SHC3: variants seen among roughly 807,000 people sequenced by gnomAD.
The protein encoded by SHC3 is SHC-transforming protein 3.
A neutral mutation model predicts 60.4 loss-of-function variants in SHC3; 15 were observed. The observed-to-expected ratio is 0.25, with a 90% CI of 0.17 to 0.38. SHC3 has a LOEUF of 0.38. Among genes scored for constraint, SHC3 ranks in the 10% least tolerant of loss-of-function variants. The pLI, the probability that SHC3 is intolerant of heterozygous loss-of-function variation, is 1.00. For synonymous variants in SHC3, 294 were observed against 325.9 expected (o/e 0.90, Z 1.05); for missense variants, 677 against 786.1 (o/e 0.86, Z 1.66).
At chr9:89,071,295 C>A in intron 4 of SHC3, 43 bp from the exon 5 acceptor site, 1 of 1,603,986 alleles carries the variant, frequency 6.2e-7, no homozygotes, top group Non-Finnish European at 8.5e-7. Context: ...TGTTATCGCC[C>A]TTTCCACATT....
At chr9:89,064,231 G>A (rs79194161) in intron 6 of SHC3, among the ~76,000 whole-genome samples, 1 of 152,242 alleles carries the variant, frequency 6.6e-6, no homozygotes, top group South Asian at 2.1e-4. Context: ...TAAATTTGGG[G>A]GTGACGTGAA....
chr9:89,045,357 T>C (rs1469540427), intron 9 of SHC3, among the ~76,000 whole-genome samples: 2 of 147,974 alleles, frequency 1.4e-5, no homozygotes, highest in South Asian at 4.7e-4. Flanking sequence ...CTTGGCTCAC[T>C]GCAACCTCCA....
chr9:89,020,976 G>C (rs1344609385), intron 11 of SHC3, among the ~76,000 whole-genome samples: 1 of 152,150 alleles, frequency 6.6e-6, no homozygotes, highest in East Asian at 1.9e-4. Context: ...TCAGGGCTTG[G>C]GGAGGTGCCC....
intron 1 of SHC3, among the ~76,000 whole-genome samples, chr9:89,134,007 G>A (rs1826286409): frequency 1.3e-5 from 2 of 152,246 alleles, no homozygotes; most frequent in Non-Finnish European, 1.5e-5. Context: ...GCTGGAAAGA[G>A]TCAGCTCTTA....
At chr9:89,047,684 C>A (rs948129030) in intron 7 of SHC3, among the ~76,000 whole-genome samples, 1 of 152,176 alleles carries the variant, frequency 6.6e-6, no homozygotes, top group Non-Finnish European at 1.5e-5. Context: ...ATCAAAACCA[C>A]AACCAGAGAC....
intron 2 of SHC3, among the ~76,000 whole-genome samples, chr9:89,108,464 T>C (rs972644365): frequency 3.9e-5 from 6 of 151,936 alleles, no homozygotes; most frequent in Non-Finnish European, 8.8e-5. Flanking sequence ...GAGGTTGCAG[T>C]GAACCAAGAT....
chr9:89,085,556 T>C (rs1288599315), intron 2 of SHC3, among the ~76,000 whole-genome samples: 1 of 152,252 alleles, frequency 6.6e-6, no homozygotes, highest in Non-Finnish European at 1.5e-5. Flanking sequence ...CAGAGGCCAC[T>C]AAAAATAGGC....
intron 1 of SHC3, among the ~76,000 whole-genome samples, chr9:89,157,689 C>T (rs554396154): frequency 6.6e-6 from 1 of 152,178 alleles, no homozygotes; most frequent in South Asian, 2.1e-4. Context: ...AATCATAGCT[C>T]ACTGCAACCC....
intron 1 of SHC3, among the ~76,000 whole-genome samples, chr9:89,150,345 C>T (rs1338438537): frequency 1.3e-5 from 2 of 152,044 alleles, no homozygotes; most frequent in Non-Finnish European, 2.9e-5. Context: ...AAACCCATAC[C>T]CCTTAACAAC....
chr9:89,115,724 C>A (rs1826010575), intron 1 of SHC3, among the ~76,000 whole-genome samples: 1 of 152,106 alleles, frequency 6.6e-6, no homozygotes. Flanking sequence ...ATGCAAATAC[C>A]AGGACCACTT....
intron 2 of SHC3, among the ~76,000 whole-genome samples, chr9:89,091,771 C>A (rs1587721993): frequency 6.6e-6 from 1 of 152,214 alleles, no homozygotes; most frequent in African/African-American, 2.4e-5. Context: ...TCCCCACTGC[C>A]TCATCTGGCC....
At chr9:89,042,302 A>C in intron 9 of SHC3, 118 bp from the exon 10 acceptor site, 1 of 1,111,916 alleles carries the variant, frequency 9.0e-7, no homozygotes, top group Non-Finnish European at 1.2e-6. Flanking sequence ...TCGGATTCCT[A>C]TGGGTGATAT....
At chr9:89,168,911 G>C (rs1465613081) in intron 1 of SHC3, among the ~76,000 whole-genome samples, 1 of 152,058 alleles carries the variant, frequency 6.6e-6, no homozygotes, top group Non-Finnish European at 1.5e-5. Flanking sequence ...TCTTCAAGCT[G>C]GGACACTATT....
chr9:89,112,209 T>A (rs1358899469), intron 2 of SHC3, among the ~76,000 whole-genome samples: 1 of 152,218 alleles, frequency 6.6e-6, no homozygotes, highest in Non-Finnish European at 1.5e-5. Context: ...ATTTTCTTTT[T>A]TAAAAAGAAC....
chr9:89,076,946 A>G (rs934479395), intron 3 of SHC3, among the ~76,000 whole-genome samples: 1 of 152,216 alleles, frequency 6.6e-6, no homozygotes, highest in African/African-American at 2.4e-5. Context: ...TGGGAAGCCA[A>G]GGCGGGTGGA....
At chr9:89,013,697 G>A (rs1826047985) in intron 11 of SHC3, 122 bp from the exon 12 acceptor site, 1 of 1,372,428 alleles carries the variant, frequency 7.3e-7, no homozygotes, top group Admixed American at 2.4e-5. Flanking sequence ...GGGGACAAGG[G>A]GCTTCCACCA....
At chr9:89,021,190 G>A (rs1234198932) in intron 11 of SHC3, among the ~76,000 whole-genome samples, 3 of 152,140 alleles carry the variant, frequency 2.0e-5, no homozygotes, top group Non-Finnish European at 2.9e-5. Context: ...TATCATCACT[G>A]CCAATTCTAC....
chr9:89,094,581 A>C (rs531452741), intron 2 of SHC3, among the ~76,000 whole-genome samples: 5 of 152,348 alleles, frequency 3.3e-5, no homozygotes, highest in Non-Finnish European at 5.9e-5. Context: ...ACAACTTTGC[A>C]CATATTAATC....
intron 5 of SHC3, among the ~76,000 whole-genome samples, chr9:89,069,470 T>C (rs1825234895): frequency 6.6e-6 from 1 of 152,242 alleles, no homozygotes; most frequent in African/African-American, 2.4e-5. Flanking sequence ...TGGTTGACTT[T>C]TGACAAGAAG....
Sources: allele counts gnomAD v4.1 joint callset (sites outside exome capture counted in the v4.1 genomes callset), GRCh38; gene constraint gnomAD v4.1.1; transcripts MANE v1.5; gene names NCBI Gene and HGNC (gene_info 2026-07-23, HGNC 2026-07-21).